The following COX7B2 variants were observed in gnomAD, a reference collection of about 807,000 sequenced individuals.
COX7B2 encodes cytochrome c oxidase subunit 7B2.
For missense variants in COX7B2, 109 were observed against 95.9 expected (o/e 1.14, Z -0.57); for synonymous variants, 37 against 32.1 (o/e 1.15, Z -0.51).
intron 2 of COX7B2, among the ~76,000 whole-genome samples, chr4:46,799,801 C>A (rs1397792629): frequency 6.6e-6 from 1 of 151,974 alleles, no homozygotes; most frequent in Non-Finnish European, 1.5e-5. Flanking sequence ...GAAAAATTGT[C>A]CTGAAGTTTT....
chr4:46,739,137 C>T lies in COX7B2; in HGVS notation c.-49-3896G>A, dbSNP rs150804127. ...TTGAGTATATACCTGTGTGTTAAGA[C>T]ATTGTGCCAAGATTTTGCACATCTG... On this transcript the variant is annotated intron_variant, in intron 2 of 2. Transcript: ENST00000355591. Among the ~76,000 whole-genome samples the T allele has an allele frequency of 7.9e-5, 12 of 152,170 alleles. No individual in the cohort carries two copies. In the East Asian group the frequency reaches 2.3e-3, roughly 29 times the overall value.
At chr4:46,896,729 T>C (rs1475412294) in intron 1 of COX7B2, among the ~76,000 whole-genome samples, 2 of 152,144 alleles carry the variant, frequency 1.3e-5, no homozygotes, top group African/African-American at 4.8e-5. Context: ...ACAATGAATA[T>C]TGTATTTTTT....
chr4:46,881,664 G>GACCTGTAATTCC (rs1011277578), intron 1 of COX7B2, among the ~76,000 whole-genome samples: 1 of 152,010 alleles, frequency 6.6e-6, no homozygotes, highest in African/African-American at 2.4e-5. Context: ...AGCTACTAAG[G>GACCTGTAATTCC]AGACTGAGGA....
chr4:46,865,025 A>G (rs183546552), intron 1 of COX7B2, among the ~76,000 whole-genome samples: 9 of 152,260 alleles, frequency 5.9e-5, no homozygotes, highest in Non-Finnish European at 1.5e-5. Flanking sequence ...ATTAAATAGC[A>G]GTGAATTCTG....
chr4:46,781,147 G>A (rs1348399381), intron 2 of COX7B2, among the ~76,000 whole-genome samples: 1 of 152,024 alleles, frequency 6.6e-6, no homozygotes, highest in Non-Finnish European at 1.5e-5. Flanking sequence ...TTAGAAGGTG[G>A]GCAGTAGAGG....
chr4:46,798,941 C>A (rs577358603), intron 2 of COX7B2, among the ~76,000 whole-genome samples: 1 of 152,300 alleles, frequency 6.6e-6, no homozygotes, highest in Non-Finnish European at 1.5e-5. Context: ...CACTCACAAG[C>A]TCTTTCAGCT....
intron 2 of COX7B2, among the ~76,000 whole-genome samples, chr4:46,773,135 C>T (rs1171986814): frequency 6.6e-6 from 1 of 152,038 alleles, no homozygotes; most frequent in African/African-American, 2.4e-5. Flanking sequence ...ATGTTCTACT[C>T]CAGATAGAAA....
rs1037764431 is a variant in COX7B2, at chr4:46,735,322, C to T, written c.-49-81G>A. ...CTTTGAATGTCTGGCTACATCACCC[C>T]TTGGAGTGGTGTTCAGGAATGTGAG... On this transcript the variant is annotated intron_variant, in intron 2 of 2. Transcript: ENST00000355591. 8 of 1,029,516 alleles carry T rather than the reference C, an allele frequency of 7.8e-6. 1 individual carries two copies. Among genetic ancestry groups the T allele is most frequent in the South Asian group, 6.0e-5 (4 of 66,472 alleles). The allele number at this position is 1,029,516 out of a possible 1,614,324, so 63.8% of individuals were successfully genotyped here. A position where few individuals can be genotyped will look rare whatever the true frequency, so the allele number is the denominator to read the frequency against.
At chr4:46,781,189 A>C (rs1717428924) in intron 2 of COX7B2, among the ~76,000 whole-genome samples, 1 of 152,142 alleles carries the variant, frequency 6.6e-6, no homozygotes. Context: ...CACACTGAGA[A>C]AGCAAAAATG....
At chr4:46,752,849 A>C (rs7441149) in intron 2 of COX7B2, among the ~76,000 whole-genome samples, 49,749 of 151,970 alleles carry the variant, frequency 0.33, 8,399 homozygotes, top group South Asian at 0.47. Flanking sequence ...TTTTGCATCG[A>C]TGTTCATCAG....
At chr4:46,846,483 ATC>A (rs1052891798) in intron 1 of COX7B2, among the ~76,000 whole-genome samples, 5 of 152,044 alleles carry the variant, frequency 3.3e-5, no homozygotes, top group Non-Finnish European at 5.9e-5. Context: ...GGTAGGACTC[ATC>A]TGTAATGTTT....
intron 2 of COX7B2, among the ~76,000 whole-genome samples, chr4:46,792,872 T>C (rs922539982): frequency 6.6e-6 from 1 of 152,208 alleles, no homozygotes; most frequent in African/African-American, 2.4e-5. Context: ...CTAATGGCTC[T>C]ATTTCCAGTA....
chr4:46,902,646 T>A (rs938084032), intron 1 of COX7B2, among the ~76,000 whole-genome samples: 1 of 152,222 alleles, frequency 6.6e-6, no homozygotes, highest in African/African-American at 2.4e-5. Context: ...CAAAACTACA[T>A]TAATTAAATT....
chr4:46,875,433 C>T (rs1174686020), intron 1 of COX7B2, among the ~76,000 whole-genome samples: 1 of 152,092 alleles, frequency 6.6e-6, no homozygotes, highest in Admixed American at 6.6e-5. Flanking sequence ...CTTTTCAATC[C>T]TTAACATCAT....
chr4:46,887,874 AG>A (rs1429823609), intron 1 of COX7B2, among the ~76,000 whole-genome samples: 1 of 152,054 alleles, frequency 6.6e-6, no homozygotes, highest in Non-Finnish European at 1.5e-5. Context: ...AATGAAAAAA[AG>A]GTTGGGAGTT....
At chr4:46,831,872 T>C (rs1715137595) in intron 2 of COX7B2, among the ~76,000 whole-genome samples, 4 of 152,144 alleles carry the variant, frequency 2.6e-5, no homozygotes, top group Admixed American at 6.5e-5. Flanking sequence ...AGCTAAGGGA[T>C]TGTGAATACA....
In COX7B2 at chr4:46,907,848, C is replaced by CTTTTTTTTTTTTTTTTTTTTTTTT; in HGVS notation, c.-105+1288_-105+1311dup. Among the ~76,000 whole-genome samples, 167 of 59,712 alleles carry CTTTTTTTTTTTTTTTTTTTTTTTT rather than the reference C, an allele frequency of 2.8e-3. 36 individuals are homozygous for CTTTTTTTTTTTTTTTTTTTTTTTT. Among genetic ancestry groups the CTTTTTTTTTTTTTTTTTTTTTTTT allele is most frequent in the Non-Finnish European group, 4.0e-3 (131 of 32,710 alleles). 39.2% of individuals were successfully genotyped at this position (59,712 alleles called of 152,430 possible). On this transcript the variant is annotated intron_variant, in intron 1 of 2. Transcript: ENST00000355591. ...TATAAAAGATCAGAATTTGAGCAGA[C>CTTTTTTTTTTTTTTTTTTTTTTTT]TTTTTTTTTTTTTTTTTTTTTTTTG... is the stretch of plus-strand genomic sequence containing the variant.
At chr4:46,777,417 TGAG>T (rs1387230915) in intron 2 of COX7B2, among the ~76,000 whole-genome samples, 2 of 151,374 alleles carry the variant, frequency 1.3e-5, no homozygotes, top group Non-Finnish European at 2.9e-5. Context: ...GCGGTGGTGG[TGAG>T]GAGAGAGTGA....
intron 1 of COX7B2, among the ~76,000 whole-genome samples, chr4:46,858,880 A>G (rs755382557): frequency 6.6e-6 from 1 of 152,236 alleles, no homozygotes; most frequent in Non-Finnish European, 1.5e-5. Flanking sequence ...CACTTTTAAA[A>G]GTCATTTCAC....
Sources: allele counts gnomAD v4.1 joint callset (sites outside exome capture counted in the v4.1 genomes callset), GRCh38; gene constraint gnomAD v4.1.1; transcripts MANE v1.5; gene names NCBI Gene and HGNC (gene_info 2026-07-23, HGNC 2026-07-21).